The following ESYT2 variants were observed in gnomAD, a reference collection of about 807,000 sequenced individuals.
ESYT2 encodes the protein extended synaptotagmin 2.
In ESYT2, 54 loss-of-function variants were observed where a neutral mutation model predicts 107.2. That is an observed-to-expected ratio of 0.50 (90% CI 0.40 to 0.63). ESYT2 has a LOEUF of 0.63. Ranked by LOEUF, ESYT2 falls within the 30% of genes least tolerant of loss-of-function variation. The pLI, the probability that ESYT2 is intolerant of heterozygous loss-of-function variation, is 0.00. For missense variants in ESYT2, 1,020 were observed against 1,094.5 expected, an observed-to-expected ratio of 0.93 and a Z score of 0.96; for synonymous variants, 491 against 434.1, an observed-to-expected ratio of 1.13 and a Z score of -1.63.
chr7:158,827,400 C>T (rs895809006), intron 1 of ESYT2: 2 of 152,088 alleles, frequency 1.3e-5, no homozygotes, highest in African/African-American at 4.8e-5. Context: ...AGACACAAAA[C>T]GTCACTTTAA....
At chr7:158,798,185 A>T (rs1456147516) in intron 2 of ESYT2, 109 bp from the exon 3 acceptor site, 3 of 1,157,546 alleles carry the variant, frequency 2.6e-6, no homozygotes, top group Non-Finnish European at 3.6e-6. Context: ...TTGAAAATAA[A>T]GGGCGGGAGG....
intron 7 of ESYT2, among the ~76,000 whole-genome samples, chr7:158,768,791 G>A (rs1189200): frequency 0.68 from 103,475 of 152,164 alleles, 36,736 homozygotes; most frequent in Non-Finnish European, 0.78. Flanking sequence ...ACTTTGGGGA[G>A]GCTAACGTGG....
At position 158,773,263 on chromosome 7, in the gene ESYT2, T is replaced by C. The variant is rs1036401156; in HGVS notation, c.803+78A>G. 17 of 1,516,592 alleles carry C rather than the reference T, an allele frequency of 1.1e-5. No individual in the cohort carries two copies. In the Admixed American group the frequency reaches 2.2e-4, roughly 19 times the overall value. The allele number at this position is 1,516,592 out of a possible 1,614,324, so 93.9% of individuals were successfully genotyped here. On this transcript the variant is annotated intron_variant, in intron 7 of 22. Coordinates refer to ENST00000275418, the MANE Select transcript of ESYT2 (RefSeq NM_001367773.1). ...TGGCAGACGCAGGTCTTAACCATTC[T>C]CACACTATTGTCAAGACATCCAAAA... is the stretch of plus-strand genomic sequence containing the variant.
chr7:158,791,080 TC>T (rs1374812257), intron 4 of ESYT2, among the ~76,000 whole-genome samples: 1 of 151,944 alleles, frequency 6.6e-6, no homozygotes. Context: ...ACGAACACTC[TC>T]CCCCCATTAA....
intron 1 of ESYT2, among the ~76,000 whole-genome samples, chr7:158,810,418 C>G (rs1306701300): frequency 6.6e-6 from 1 of 152,186 alleles, no homozygotes; most frequent in Non-Finnish European, 1.5e-5. Context: ...GTGTGTCTCA[C>G]ATCTGTAATC....
chr7:158,798,138 G>GCTCCA, intron 2 of ESYT2, 62 bp from the exon 3 acceptor site: 1 of 1,577,182 alleles, frequency 6.3e-7, no homozygotes. Context: ...ACACACGAGT[G>GCTCCA]CTCGTGAGAA....
intron 6 of ESYT2, among the ~76,000 whole-genome samples, chr7:158,775,512 T>C (rs745306596): frequency 6.6e-6 from 1 of 152,246 alleles, no homozygotes; most frequent in Non-Finnish European, 1.5e-5. Context: ...TTCAACAATG[T>C]TTGCAGCATC....
intron 3 of ESYT2, among the ~76,000 whole-genome samples, chr7:158,794,062 G>A (rs932682825): frequency 3.3e-5 from 5 of 152,236 alleles, no homozygotes; most frequent in Non-Finnish European, 7.3e-5. Context: ...GTAACAATAC[G>A]TATGTGCTCT....
intron 16 of ESYT2, among the ~76,000 whole-genome samples, chr7:158,746,515 A>G (rs1378754039): frequency 1.4e-5 from 2 of 146,012 alleles, no homozygotes; most frequent in African/African-American, 5.6e-5. Flanking sequence ...GCCTCAAGAA[A>G]AAAAAAAAAA....
intron 13 of ESYT2, among the ~76,000 whole-genome samples, chr7:158,753,343 C>A (rs1587390768): frequency 6.6e-6 from 1 of 152,212 alleles, no homozygotes; most frequent in African/African-American, 2.4e-5. Flanking sequence ...CTCTCTGCTC[C>A]TCGTCCTTTT....
At chr7:158,753,546 T>C (rs1837652575) in intron 13 of ESYT2, among the ~76,000 whole-genome samples, 2 of 152,122 alleles carry the variant, frequency 1.3e-5, no homozygotes, top group African/African-American at 2.4e-5. Context: ...AAAGAATTTA[T>C]CATTTTAGTT....
At chr7:158,824,910 G>C (rs1328285150) in intron 1 of ESYT2, among the ~76,000 whole-genome samples, 3 of 152,208 alleles carry the variant, frequency 2.0e-5, no homozygotes, top group African/African-American at 7.2e-5. Context: ...CCAGCTACTT[G>C]GGAGACTCAC....
intron 1 of ESYT2, among the ~76,000 whole-genome samples, chr7:158,810,332 T>G (rs1403705408): frequency 2.0e-5 from 3 of 152,184 alleles, no homozygotes; most frequent in Non-Finnish European, 4.4e-5. Flanking sequence ...TACAACAGAA[T>G]TATTTGTCAA....
At chr7:158,788,556 G>T (rs776144910) in intron 4 of ESYT2, 139 bp from the exon 5 acceptor site, 2 of 699,856 alleles carry the variant, frequency 2.9e-6, no homozygotes, top group Non-Finnish European at 4.7e-6. Context: ...CCTAAAATGT[G>T]GCCCATCAAA....
rs781644750 is a variant in ESYT2 at position 158,741,676 on chromosome 7, G to C, written c.2015C>G (p.Pro672Arg). The change falls in exon 18 of 23, where the codon CCT becomes CGT. Residue 672 changes from proline (P) to arginine (R), a missense_variant. Transcript: ENST00000275418. ...EEKAQPPEAGPQGLHDLGRSS... is the reference protein window; with the variant it reads ...EEKAQPPEAGRQGLHDLGRSS... ...TCTGCCCAGGTCGTGCAGCCCCTGA[G>C]GGCCGGCCTCAGGGGGCTGGGCCTT... 5.6e-6 allele frequency: 9 copies of C among 1,614,012 alleles called. No individual in the cohort carries two copies. The South Asian group carries it at 9.9e-5, about 18-fold the overall frequency.
chr7:158,741,588 G>A lies in ESYT2; in HGVS notation c.2103C>T (p.Ile701=), dbSNP rs747377147. 1.9e-5 allele frequency: 30 copies of A among 1,610,770 alleles called. No individual in the cohort carries two copies. The Middle Eastern group carries it at 1.5e-3, about 80-fold the overall frequency. Residue 701 remains isoleucine, a synonymous_variant, in exon 18 of 23, where the codon ATC becomes ATT. Coordinates refer to ENST00000275418, the MANE Select transcript of ESYT2 (RefSeq NM_001367773.1). The part of the protein sequence containing the change: ...HISVKEPTPS[I]ASDISLPIAT... ...CGATGGGCAGCGAGATGTCCGAGGC[G>A]ATGCTGGGGGTCGGCTCCTTGACTG...
At chr7:158,736,199 G>A (rs773441519) in intron 20 of ESYT2, among the ~76,000 whole-genome samples, 6 of 151,216 alleles carry the variant, frequency 4.0e-5, no homozygotes, top group East Asian at 2.0e-4. Context: ...TAAATGCCTC[G>A]GATGGGTAGG....
At chr7:158,739,799 C>A (rs536116510) in intron 18 of ESYT2, among the ~76,000 whole-genome samples, 6 of 90,256 alleles carry the variant, frequency 6.6e-5, no homozygotes, top group East Asian at 1.2e-3. Context: ...TATACCCCCC[C>A]CTTCGCAGTT....
intron 13 of ESYT2, among the ~76,000 whole-genome samples, chr7:158,753,284 C>T (rs1346987266): frequency 6.6e-6 from 1 of 152,190 alleles, no homozygotes; most frequent in Non-Finnish European, 1.5e-5. Context: ...GTCCTGGAAC[C>T]GCCGCTGAGA....
Sources: allele counts gnomAD v4.1 joint callset (sites outside exome capture counted in the v4.1 genomes callset), GRCh38; gene constraint gnomAD v4.1.1; transcripts MANE v1.5; gene names NCBI Gene and HGNC (gene_info 2026-07-23, HGNC 2026-07-21).